The following CNKSR2 variants were observed in gnomAD, a reference collection of about 807,000 sequenced individuals.
CNKSR2 encodes the protein CNK homolog protein 2.
A neutral mutation model predicts 84.4 loss-of-function variants in CNKSR2; 14 were observed. That is an observed-to-expected ratio of 0.17 (90% confidence interval 0.11 to 0.26). The LOEUF (loss-of-function observed/expected upper bound fraction) is 0.26, where lower values mean the gene tolerates loss of function less well. Among genes scored for constraint, CNKSR2 ranks in the 10% least tolerant of loss-of-function variants. The pLI is 1.00. For missense variants in CNKSR2, 485 were observed against 771.2 expected (o/e 0.63, Z 4.40); for synonymous variants, 275 against 277.9 (o/e 0.99, Z 0.10).
intron 13 of CNKSR2, among the ~76,000 whole-genome samples, chrX:21,583,252 C>A (rs2092364184): frequency 9.0e-6 from 1 of 111,608 alleles, no homozygotes; most frequent in Non-Finnish European, 1.9e-5. Context: ...CCAAGTTTTT[C>A]TTTCATGCAC....
intron 5 of CNKSR2, among the ~76,000 whole-genome samples, chrX:21,485,483 A>G (rs900682351): frequency 2.7e-5 from 3 of 110,957 alleles, no homozygotes; most frequent in African/African-American, 9.8e-5. Flanking sequence ...GTGTATGTGC[A>G]GATAGATAGT....
intron 20 of CNKSR2, among the ~76,000 whole-genome samples, chrX:21,622,783 A>G (rs2092607381): frequency 8.9e-6 from 1 of 111,782 alleles, no homozygotes; most frequent in African/African-American, 3.2e-5. Context: ...TTTTCAATGC[A>G]TTAAATCCTA....
intron 13 of CNKSR2, 149 bp downstream of exon 13, chrX:21,563,601 G>T: frequency 2.3e-6 from 1 of 443,432 alleles, no homozygotes. Flanking sequence ...AAAAAATGAT[G>T]GGTAATTGAT....
Position 21,433,443 on chromosome X carries a change from A to G in CNKSR2, c.431+629A>G, listed in dbSNP as rs778671210. ...ATACTGTATGTGGTTAAACATTATC[A>G]TGATAAAACACATTACAACTGTTTA... On this transcript the variant is annotated intron_variant, in intron 3 of 21. Transcript: ENST00000379510. Among the ~76,000 whole-genome samples the G allele has an allele frequency of 1.3e-4, 14 of 111,848 alleles. No homozygotes were observed. The South Asian group carries it at 4.7e-3, about 38-fold the overall frequency.
At position 21,653,208 on chromosome X, in the gene CNKSR2, AG is replaced by A. The variant is rs1439544399; in HGVS notation, c.*688del. 14 of 111,838 alleles carry A rather than the reference AG, an allele frequency of 1.3e-4. No homozygotes were observed. The highest frequency in any genetic ancestry group is 1.9e-5 in the Non-Finnish European group (1 of 53,128). The allele number at this position is 111,838 out of a possible 1,213,427, so 9.2% of individuals were successfully genotyped here. ...GCTTTGTAAGATGTTTTTGTAACTA[AG>A]ACCAAAATTGAAGATAGAGCTGCTT... On this transcript the variant is annotated 3_prime_UTR_variant, in exon 22 of 22. Coordinates refer to ENST00000379510, the MANE Select transcript of CNKSR2 (RefSeq NM_014927.5).
chrX:21,425,106 A>ACT (rs1034262480), intron 1 of CNKSR2: 5 of 110,545 alleles, frequency 4.5e-5, no homozygotes, highest in African/African-American at 1.6e-4. Flanking sequence ...AGAAAAACAG[A>ACT]CTCTCTCTCT....
chrX:21,559,607 A>G (rs940119191), intron 11 of CNKSR2, among the ~76,000 whole-genome samples: 2 of 111,364 alleles, frequency 1.8e-5, no homozygotes, highest in African/African-American at 6.5e-5. Flanking sequence ...TACTGTAGAT[A>G]GCTGTGTTTG....
chrX:21,494,098 G>C (rs1344271512), intron 6 of CNKSR2: 2 of 110,388 alleles, frequency 1.8e-5, no homozygotes, highest in Non-Finnish European at 3.8e-5. Context: ...TACTGTCTTT[G>C]GCTTACAATT....
At chrX:21,469,844 G>A (rs1005618050) in intron 4 of CNKSR2, among the ~76,000 whole-genome samples, 2 of 109,688 alleles carry the variant, frequency 1.8e-5, no homozygotes, top group African/African-American at 3.3e-5. Flanking sequence ...CCCAGGGGGT[G>A]GAGGTTGCAG....
chrX:21,408,547 T>G (rs1237318254), intron 1 of CNKSR2, among the ~76,000 whole-genome samples: 1 of 111,556 alleles, frequency 9.0e-6, no homozygotes, highest in Non-Finnish European at 1.9e-5. Flanking sequence ...TTACATAATA[T>G]AAAGTCATTA....
chrX:21,526,567 C>T (rs2091836805), intron 9 of CNKSR2, among the ~76,000 whole-genome samples: 1 of 110,743 alleles, frequency 9.0e-6, no homozygotes, highest in Non-Finnish European at 1.9e-5. Context: ...GATAAATCTT[C>T]CCATTTTGAA....
intron 13 of CNKSR2, among the ~76,000 whole-genome samples, chrX:21,573,349 G>A (rs1197792760): frequency 8.9e-6 from 1 of 111,951 alleles, no homozygotes; most frequent in Admixed American, 9.4e-5. Flanking sequence ...CTGTAGGATG[G>A]TGGCCCTCTT....
intron 1 of CNKSR2, among the ~76,000 whole-genome samples, chrX:21,377,380 T>G (rs1375439789): frequency 8.9e-6 from 1 of 112,389 alleles, no homozygotes; most frequent in African/African-American, 3.2e-5. Context: ...ACAAAGGACA[T>G]TTTAAAAATA....
At chrX:21,479,353 CACTTA>C (rs753850639) in intron 5 of CNKSR2, among the ~76,000 whole-genome samples, 6 of 111,617 alleles carry the variant, frequency 5.4e-5, no homozygotes, top group Admixed American at 9.5e-5. Flanking sequence ...TGTTGATGGA[CACTTA>C]ACTTATTTAG....
intron 9 of CNKSR2, among the ~76,000 whole-genome samples, chrX:21,525,868 T>C (rs1040677305): frequency 9.0e-6 from 1 of 111,346 alleles, no homozygotes; most frequent in Non-Finnish European, 1.9e-5. Context: ...GTGATCATTA[T>C]TTTTGTGTTT....
At chrX:21,468,059 A>T (rs192828596) in intron 4 of CNKSR2, among the ~76,000 whole-genome samples, 174 of 111,030 alleles carry the variant, frequency 1.6e-3, no homozygotes, top group African/African-American at 5.4e-3. Flanking sequence ...TGTATCATTT[A>T]TACTTCTAAA....
chrX:21,425,066 A>G (rs1019688026), intron 1 of CNKSR2: 1 of 111,560 alleles, frequency 9.0e-6, no homozygotes, highest in African/African-American at 3.3e-5. Flanking sequence ...CCACATTTAA[A>G]TATCTTCAAG....
intron 8 of CNKSR2, among the ~76,000 whole-genome samples, chrX:21,513,091 T>C (rs2091691630): frequency 8.9e-6 from 1 of 112,240 alleles, no homozygotes; most frequent in South Asian, 3.6e-4. Flanking sequence ...TGCTTGCGAT[T>C]ATTCGGTAGC....
intron 3 of CNKSR2, among the ~76,000 whole-genome samples, chrX:21,435,869 T>C (rs2090697520): frequency 8.9e-6 from 1 of 111,753 alleles, no homozygotes; most frequent in Admixed American, 9.5e-5. Flanking sequence ...TGAGAGTTTA[T>C]AAAATACCTT....
Sources: allele counts gnomAD v4.1 joint callset (sites outside exome capture counted in the v4.1 genomes callset), GRCh38; gene constraint gnomAD v4.1.1; transcripts MANE v1.5; gene names NCBI Gene and HGNC (gene_info 2026-07-23, HGNC 2026-07-21).